The following LYG2 variants were observed in gnomAD, a reference collection of about 807,000 sequenced individuals.
LYG2 encodes the protein lysozyme g2, also known as lysozyme g-like protein 2.
Under a neutral mutation model 22.4 loss-of-function variants are expected in LYG2, and 25 were observed. That is an observed-to-expected ratio of 1.12 (90% confidence interval 0.81 to 1.56). LYG2 has a LOEUF of 1.56. Ranked by LOEUF, LYG2 falls within the 40% of genes most tolerant of loss-of-function variation. The pLI, the probability that LYG2 is intolerant of heterozygous loss-of-function variation, is 0.00. For missense variants in LYG2, 266 were observed against 269.5 expected (o/e 0.99, Z 0.09); for synonymous variants, 88 against 97.0 (o/e 0.91, Z 0.55).
At chr2:99,259,055 A>G (rs1015456533), upstream of LYG2, among the ~76,000 whole-genome samples, 2 of 152,250 alleles carry the variant, frequency 1.3e-5, no homozygotes, top group Non-Finnish European at 2.9e-5. Flanking sequence ...GCTATATCAC[A>G]TATTGGTGAG....
Position 99,246,715 on chromosome 2 carries a change from C to T in LYG2, c.149G>A (p.Gly50Glu). 1 of 1,614,120 alleles carries T rather than the reference C, an allele frequency of 6.2e-7. No homozygotes were observed. The highest frequency in any genetic ancestry group is 1.1e-5 in the South Asian group (1 of 91,076). ...YGDIMTMKTS[G>E]ATCDANSVMN... ...CACACTGTTTGCATCACAAGTGGCCCCAGAGGTCTTCATGGTCATGATGTC... is the reference window on the plus strand; with the variant it reads ...CACACTGTTTGCATCACAAGTGGCCTCAGAGGTCTTCATGGTCATGATGTC... Residue 50 changes from glycine (G) to glutamate (E), a missense_variant, in exon 4 of 7, where the codon GGG becomes GAG. Transcript: ENST00000333017.
intron 3 of LYG2, among the ~76,000 whole-genome samples, chr2:99,250,376 T>A (rs965779057): frequency 6.7e-6 from 1 of 148,586 alleles, no homozygotes; most frequent in Non-Finnish European, 1.5e-5. Context: ...TCCAACTCTT[T>A]TTTTTTTTTT....
Position 99,245,302 on chromosome 2 carries a change from T to TC in LYG2, c.340dup (p.Asp114GlyfsTer9). ...TTTAAGTCCCCTGTGGTCCCAGCCG[T>TC]CTTGCAGGACAGATCCGCCATGGCT... On this transcript the variant is annotated frameshift_variant, in exon 5 of 7. Transcript: ENST00000333017. LOFTEE classifies it high-confidence loss of function. The TC allele has an allele frequency of 1.2e-6, 2 of 1,609,982 alleles. No individual in the cohort carries two copies. The highest frequency in any genetic ancestry group is 1.7e-6 in the Non-Finnish European group (2 of 1,177,986).
At chr2:99,246,193 G>A (rs1448117055) in intron 4 of LYG2, among the ~76,000 whole-genome samples, 1 of 152,226 alleles carries the variant, frequency 6.6e-6, no homozygotes, top group Non-Finnish European at 1.5e-5. Context: ...GCCTGGCTCC[G>A]CCACTAGTTG....
upstream of LYG2, among the ~76,000 whole-genome samples, chr2:99,258,977 G>GGA (rs2094042114): frequency 6.6e-6 from 1 of 152,094 alleles, no homozygotes; most frequent in Non-Finnish European, 1.5e-5. Flanking sequence ...ACACATCAGG[G>GGA]AAATGCAAAA....
At chr2:99,261,057 A>G in the LYG2 span, among the ~76,000 whole-genome samples, 1 of 152,206 alleles carries the variant, frequency 6.6e-6, no homozygotes, top group African/African-American at 2.4e-5. Flanking sequence ...ATTGGAGTCC[A>G]TAAATGTTCA....
At chr2:99,251,390 C>A (rs2094026276) in intron 3 of LYG2, among the ~76,000 whole-genome samples, 1 of 152,108 alleles carries the variant, frequency 6.6e-6, no homozygotes, top group African/African-American at 2.4e-5. Flanking sequence ...ACAAGAAAAT[C>A]TTAAATTATA....
chr2:99,247,412 A>G (rs1438433608), intron 3 of LYG2, among the ~76,000 whole-genome samples: 1 of 151,392 alleles, frequency 6.6e-6, no homozygotes, highest in Non-Finnish European at 1.5e-5. Flanking sequence ...TAAAACTGAC[A>G]GGTTTTTAAG....
intron 3 of LYG2, among the ~76,000 whole-genome samples, chr2:99,247,423 C>G (rs1246587041): frequency 1.3e-5 from 2 of 151,538 alleles, no homozygotes; most frequent in African/African-American, 4.9e-5. Flanking sequence ...GGTTTTTAAG[C>G]AGGAAACTTG....
chr2:99,259,213 G>GAAAAAA (rs34539986), upstream of LYG2, among the ~76,000 whole-genome samples: 1 of 146,204 alleles, frequency 6.8e-6, no homozygotes, highest in Non-Finnish European at 1.5e-5. Context: ...CAAGAGCAAT[G>GAAAAAA]AAAAAAAAAA....
intron 3 of LYG2, among the ~76,000 whole-genome samples, chr2:99,248,434 G>C (rs1244589461): frequency 6.6e-6 from 1 of 151,988 alleles, no homozygotes; most frequent in Non-Finnish European, 1.5e-5. Context: ...CCTTTGTAGG[G>C]ACATGGATGA....
At chr2:99,255,312 T>G (rs2094034318) in intron 1 of LYG2, 175 bp from the exon 2 acceptor site, 1 of 152,206 alleles carries the variant, frequency 6.6e-6, no homozygotes, top group African/African-American at 2.4e-5. Flanking sequence ...GCTTTATATA[T>G]GGTTTAAAAC....
At chr2:99,256,290 C>T (rs1009946615), upstream of LYG2, among the ~76,000 whole-genome samples, 3 of 152,194 alleles carry the variant, frequency 2.0e-5, no homozygotes, top group African/African-American at 7.2e-5. Context: ...AGCCTTCCAT[C>T]CCTGGAAGAG....
Position 99,244,130 on chromosome 2 carries a change from T to C in LYG2, c.389A>G (p.Lys130Arg), listed in dbSNP as rs746653327. ...GGCACCGACAGGGTGGTACGTTTGT[T>C]TATCAAGCTAGAAAATTCAGATAAT... The part of the protein sequence containing the change: ...GLKFGLMQLD[K>R]QTYHPVGAWD... Residue 130 changes from lysine (K) to arginine (R), a missense_variant, in exon 6 of 7, where the codon AAA (lysine) becomes AGA (arginine). Coordinates refer to ENST00000333017, the MANE Select transcript of LYG2 (RefSeq NM_175735.4). 6.2e-7 allele frequency: 1 copy of C among 1,612,226 alleles called. No homozygotes were observed. Among genetic ancestry groups the C allele is most frequent in the Non-Finnish European group, 8.5e-7 (1 of 1,179,556 alleles).
At chr2:99,251,067 G>A (rs940761717) in intron 3 of LYG2, among the ~76,000 whole-genome samples, 22 of 152,168 alleles carry the variant, frequency 1.4e-4, no homozygotes, top group African/African-American at 5.1e-4. Context: ...ATACAAGGAT[G>A]AATGAAAAAC....
At position 99,250,442 on chromosome 2, in the gene LYG2, A is replaced by T. The variant is rs147706684; in HGVS notation, c.44-3622T>A. On this transcript the variant is annotated intron_variant, in intron 3 of 6. Transcript: ENST00000333017. ...CAGGCTGCAGTACAGTGGTGCGATC[A>T]TGGCTCACTGCAAGCTCCGCCTCCT... 3.5e-3 allele frequency among the ~76,000 whole-genome samples: 508 copies of T among 144,524 alleles called. 4 individuals carry two copies. The highest frequency in any genetic ancestry group is 0.012 in the African/African-American group (477 of 38,718). The allele number at this position is 144,524 out of a possible 152,430, so 94.8% of individuals were successfully genotyped here. A position where few individuals can be genotyped will look rare whatever the true frequency, so the allele number is the denominator to read the frequency against.
chr2:99,243,866 G>T, intron 6 of LYG2, 133 bp downstream of exon 6: 1 of 970,300 alleles, frequency 1.0e-6, no homozygotes, highest in South Asian at 1.6e-5. Flanking sequence ...GAATGCAAAT[G>T]CAGCCTCTAG....
In LYG2 at chr2:99,242,442, G is replaced by T; in HGVS notation, c.561C>A (p.Ala187=). Residue 187 remains alanine, a synonymous_variant, in exon 7 of 7, where the codon GCC becomes GCA. Transcript: ENST00000333017. ...SAFKSGIEAI[A]TPSDIDNDFV... ...AGTCATTGTCTATGTCCGATGGGGT[G>T]GCAATCGCTTCAATTCCTGACTTAA... The T allele has an allele frequency of 6.2e-7, 1 of 1,612,986 alleles. No individual in the cohort carries two copies. Among genetic ancestry groups the T allele is most frequent in the Non-Finnish European group, 8.5e-7 (1 of 1,179,402 alleles).
chr2:99,247,767 A>G (rs943956560), intron 3 of LYG2, among the ~76,000 whole-genome samples: 15 of 152,302 alleles, frequency 9.8e-5, no homozygotes, highest in Admixed American at 8.5e-4. Flanking sequence ...TGCACAGCAA[A>G]AGAAACTACC....
Sources: allele counts gnomAD v4.1 joint callset (sites outside exome capture counted in the v4.1 genomes callset), GRCh38; gene constraint gnomAD v4.1.1; transcripts MANE v1.5; gene names NCBI Gene and HGNC (gene_info 2026-07-23, HGNC 2026-07-21).